RBFOX1: variants seen among roughly 807,000 people sequenced by gnomAD.
The protein encoded by RBFOX1 is RNA binding fox-1 homolog 1, also known as RNA binding protein fox-1 homolog 1.
Under a neutral mutation model 57.7 loss-of-function variants are expected in RBFOX1, and 8 were observed. The ratio of observed to expected loss-of-function variants is 0.14; its 90% CI spans 0.08 to 0.25. The LOEUF (loss-of-function observed/expected upper bound fraction) is 0.25. Among genes scored for constraint, RBFOX1 ranks in the 10% least tolerant of loss-of-function variants. The pLI is 1.00. For synonymous variants in RBFOX1, 326 were observed against 222.4 expected, an observed-to-expected ratio of 1.47 and a Z score of -4.15; for missense variants, 611 against 548.5, an observed-to-expected ratio of 1.11 and a Z score of -1.14.
intron 3 of RBFOX1, among the ~76,000 whole-genome samples, chr16:6,871,768 C>T (rs74693777): frequency 6.6e-6 from 1 of 152,170 alleles, no homozygotes; most frequent in Non-Finnish European, 1.5e-5. Flanking sequence ...AATTTCTACT[C>T]TACCTTCCGC....
intron 15 of RBFOX1, chr16:7,709,987 A>G (rs1426148895): frequency 2.0e-6 from 2 of 1,008,268 alleles, no homozygotes; most frequent in African/African-American, 3.5e-5. Flanking sequence ...ACTTTTAGAA[A>G]AAGGAAATCG....
chr16:6,999,407 G>A (rs561183847), intron 3 of RBFOX1, among the ~76,000 whole-genome samples: 1 of 150,500 alleles, frequency 6.6e-6, no homozygotes, highest in Non-Finnish European at 1.5e-5. Flanking sequence ...GTGATTTGGT[G>A]ATACTTAAAC....
intron 4 of RBFOX1, among the ~76,000 whole-genome samples, chr16:7,235,624 G>T (rs1039540403): frequency 1.3e-5 from 2 of 152,198 alleles, no homozygotes; most frequent in Non-Finnish European, 2.9e-5. Context: ...ATCTTGGGAT[G>T]AATTAGCCTT....
In RBFOX1 at chr16:7,533,889, T is replaced by C. The variant is rs2080796944; in HGVS notation, c.270+15500T>C. Among the ~76,000 whole-genome samples the C allele has an allele frequency of 3.3e-5, 5 of 152,118 alleles. No individual in the cohort carries two copies. The South Asian group carries it at 8.3e-4, about 25-fold the overall frequency. ...TTATTATTAATAGAGCAAGTAATAA[T>C]GGTGTTGGGCAATATATTAATGATT... On this transcript the variant is annotated intron_variant, in intron 5 of 15. Transcript: ENST00000550418.
At chr16:5,707,385 TCAGAGCTGA>T (rs1439879797) in intron 3 of RBFOX1, among the ~76,000 whole-genome samples, 1 of 152,196 alleles carries the variant, frequency 6.6e-6, no homozygotes, top group Non-Finnish European at 1.5e-5. Flanking sequence ...GTGCATTTTC[TCAGAGCTGA>T]AGTGTCTTGT....
At chr16:6,844,188 CT>C (rs750540206) in intron 3 of RBFOX1, among the ~76,000 whole-genome samples, 65 of 147,032 alleles carry the variant, frequency 4.4e-4, no homozygotes, top group African/African-American at 8.7e-4. Flanking sequence ...GAGGAATCTT[CT>C]TTTTTTTTTT....
At chr16:7,081,365 GT>G (rs780602607) in intron 4 of RBFOX1, among the ~76,000 whole-genome samples, 46 of 152,286 alleles carry the variant, frequency 3.0e-4, no homozygotes, top group Admixed American at 1.4e-3. Context: ...GCAGAACATG[GT>G]AATAGTGTTC....
chr16:6,932,221 G>C (rs146378055), intron 3 of RBFOX1, among the ~76,000 whole-genome samples: 1 of 151,888 alleles, frequency 6.6e-6, no homozygotes, highest in African/African-American at 2.4e-5. Flanking sequence ...TCCCTGCCTC[G>C]GCCTCCCAAG....
intron 4 of RBFOX1, among the ~76,000 whole-genome samples, chr16:7,499,881 A>G (rs2070094414): frequency 6.6e-6 from 1 of 151,964 alleles, no homozygotes; most frequent in Non-Finnish European, 1.5e-5. Flanking sequence ...CACTGTGAGT[A>G]TCTGCAAAAA....
chr16:5,371,714 G>A (rs2065860915), intron 1 of RBFOX1, among the ~76,000 whole-genome samples: 1 of 152,184 alleles, frequency 6.6e-6, no homozygotes, highest in African/African-American at 2.4e-5. Flanking sequence ...AATAAGCCCT[G>A]CTGGCCATGT....
intron 1 of RBFOX1, among the ~76,000 whole-genome samples, chr16:6,228,592 A>C (rs8053838): frequency 0.021 from 3,177 of 152,288 alleles, 124 homozygotes; most frequent in African/African-American, 0.072. Context: ...TATCTAACTT[A>C]TATATGGAAT....
intron 3 of RBFOX1, among the ~76,000 whole-genome samples, chr16:6,940,848 A>AGTGTGTGTGTGTGTGTGTGTGT (rs1283880547): frequency 1.7e-5 from 1 of 58,442 alleles, no homozygotes; most frequent in Non-Finnish European, 3.1e-5. Context: ...ATGTCCGGCT[A>AGTGTGTGTGTGTGTGTGTGTGT]GTCTGTGTGT....
At chr16:5,424,859 CTTCTTTCTTTCTTTTTT>C (rs1158146572) in intron 1 of RBFOX1, among the ~76,000 whole-genome samples, 3 of 143,230 alleles carry the variant, frequency 2.1e-5, no homozygotes, top group Admixed American at 1.4e-4. Context: ...CTCTCTCTCT[CTTCTTTCTTTCTTTTTT>C]TTCTTTCTTT....
At chr16:6,029,414 T>G (rs2095254540) in intron 1 of RBFOX1, among the ~76,000 whole-genome samples, 1 of 152,204 alleles carries the variant, frequency 6.6e-6, no homozygotes. Flanking sequence ...TGACATTATA[T>G]ATGCACACTG....
chr16:7,215,216 T>C (rs2091839119), intron 4 of RBFOX1, among the ~76,000 whole-genome samples: 1 of 152,216 alleles, frequency 6.6e-6, no homozygotes, highest in East Asian at 1.9e-4. Context: ...TTCATCCGTG[T>C]CTCCAAGTGT....
At chr16:7,009,846 C>G (rs1596873802) in intron 3 of RBFOX1, among the ~76,000 whole-genome samples, 1 of 152,280 alleles carries the variant, frequency 6.6e-6, no homozygotes, top group East Asian at 1.9e-4. Context: ...TTAATCAAAG[C>G]AAACTACGAA....
intron 2 of RBFOX1, among the ~76,000 whole-genome samples, chr16:6,490,577 C>G (rs748193220): frequency 2.0e-5 from 3 of 152,186 alleles, no homozygotes; most frequent in Non-Finnish European, 2.9e-5. Context: ...CTGCAGAAAG[C>G]TCAGAGATGA....
intron 4 of RBFOX1, among the ~76,000 whole-genome samples, chr16:5,927,764 C>A (rs2058967317): frequency 6.6e-6 from 1 of 152,092 alleles, no homozygotes; most frequent in South Asian, 2.1e-4. Context: ...TACTATTCAG[C>A]CTTGAAAAAG....
In RBFOX1 at chr16:6,697,076, C is replaced by T. The variant is rs2061160398; in HGVS notation, c.-16+42426C>T. Among the ~76,000 whole-genome samples, 5 of 152,178 alleles carry T rather than the reference C, an allele frequency of 3.3e-5. No individual in the cohort carries two copies. The South Asian group carries it at 6.2e-4, about 19-fold the overall frequency. ...AATGCAAAATTATTTATTCCTTCCC[C>T]TTCAGAATTTCTTCTGGGGAAAGCC... On this transcript the variant is annotated intron_variant, in intron 3 of 15. Transcript: ENST00000550418.
Sources: allele counts gnomAD v4.1 joint callset (sites outside exome capture counted in the v4.1 genomes callset), GRCh38; gene constraint gnomAD v4.1.1; transcripts MANE v1.5; gene names NCBI Gene and HGNC (gene_info 2026-07-23, HGNC 2026-07-21).